The following RPL8 variants were observed in gnomAD, a reference collection of about 807,000 sequenced individuals.
RPL8 encodes the protein ribosomal protein L8, also known as large ribosomal subunit protein uL2.
For missense variants in RPL8, 248 were observed against 365.9 expected, an observed-to-expected ratio of 0.68 and a Z score of 2.63; for synonymous variants, 182 against 143.2, an observed-to-expected ratio of 1.27 and a Z score of -1.94.
chr8:144,791,640 G>T, intron 2 of RPL8, 133 bp downstream of exon 2: 1 of 1,503,128 alleles, frequency 6.7e-7, no homozygotes, highest in Non-Finnish European at 9.1e-7. Flanking sequence ...GGTGGCCACT[G>T]GTCTGGCCAC....
At position 144,791,761 on chromosome 8, in the gene RPL8, C is replaced by A; in HGVS notation, c.280+12G>T. Reference sequence around the variant, plus strand: ...CCCCACCCCGACCTTCCTTCCCCGCCGCGATGCTAACCCTTCTTGCCGCAA... The same window carrying A: ...CCCCACCCCGACCTTCCTTCCCCGCAGCGATGCTAACCCTTCTTGCCGCAA... On this transcript the variant is annotated intron_variant, in intron 2 of 4. Transcript: ENST00000528957. 1 of 1,613,350 alleles carries A rather than the reference C, an allele frequency of 6.2e-7. No individual in the cohort carries two copies. The highest frequency in any genetic ancestry group is 8.5e-7 in the Non-Finnish European group (1 of 1,179,990).
In RPL8 at chr8:144,792,351, G is replaced by A. The variant is rs991884924; in HGVS notation, c.-222C>T. 5.1e-5 allele frequency: 37 copies of A among 723,588 alleles called. No homozygotes were observed. Among genetic ancestry groups the A allele is most frequent in the South Asian group, 7.7e-5 (2 of 25,840 alleles). 44.8% of individuals were successfully genotyped at this position (723,588 alleles called of 1,614,324 possible). ...CGGATACTGCCCATGCCGCAAGGCC[G>A]CAAGGATGACCTACCTGTTCACCAG... is the stretch of plus-strand genomic sequence containing the variant. On this transcript the variant is annotated 5_prime_UTR_variant, in exon 1 of 5. Coordinates refer to ENST00000528957, the MANE Select transcript of RPL8 (RefSeq NM_001317782.2).
intron 3 of RPL8, 79 bp from the exon 4 acceptor site, chr8:144,790,549 C>T (rs1331621616): frequency 2.8e-6 from 3 of 1,059,430 alleles, no homozygotes; most frequent in Non-Finnish European, 4.4e-6. Context: ...TGTCATGCAC[C>T]TTCCCAATAC....
intron 1 of RPL8, 26 bp from the exon 2 acceptor site, chr8:144,791,940 G>A: frequency 6.2e-7 from 1 of 1,610,664 alleles, no homozygotes; most frequent in Non-Finnish European, 8.5e-7. Context: ...GCGTGAGTGC[G>A]GCGTTCCGGC....
At position 144,792,067 on chromosome 8, in the gene RPL8, C is replaced by T. The variant is rs761419862; in HGVS notation, c.63G>A (p.Lys21=). ...GAGSVFRAHV[K]HRKGAARLRA... The stretch of plus-strand genomic sequence containing the variant: ...GCAGGCGCGCAGCGCCTTTACGGTG[C>T]TTCACGTGCGCGCGGAACACAGACC... Residue 21 remains lysine (K), a synonymous_variant, in exon 1 of 5, where the codon AAG becomes AAA. Transcript: ENST00000528957. 3 of 1,606,764 alleles carry T rather than the reference C, an allele frequency of 1.9e-6. No homozygotes were observed. The highest frequency in any genetic ancestry group is 2.2e-5 in the South Asian group (2 of 90,770).
rs777685415 is a variant in RPL8, at chr8:144,792,138, G to A, written c.-9C>T. ...CGGATCACACGGCCCATGGCGACGG[G>A]TCCTGGGGGCGACTCACGATTAGCG... On this transcript the variant is annotated 5_prime_UTR_variant, in exon 1 of 5. Transcript: ENST00000528957. The A allele has an allele frequency of 2.0e-6, 3 of 1,495,112 alleles. No individual in the cohort carries two copies. The highest frequency in any genetic ancestry group is 2.7e-6 in the Non-Finnish European group (3 of 1,128,744). 92.6% of individuals were successfully genotyped at this position (1,495,112 alleles called of 1,614,324 possible). A position where few individuals can be genotyped will look rare whatever the true frequency, so the allele number is the denominator to read the frequency against.
At chr8:144,791,154 AC>A in intron 3 of RPL8, 122 bp downstream of exon 3, 2 of 940,770 alleles carry the variant, frequency 2.1e-6, no homozygotes, top group Non-Finnish European at 3.3e-6. Flanking sequence ...AACTTACAGA[AC>A]CCAAGTTTTA....
At chr8:144,790,845 G>A (rs11995164) in intron 3 of RPL8, 15,847 of 533,776 alleles carry the variant, frequency 0.03, 514 homozygotes, top group Admixed American at 0.085. Flanking sequence ...TCCCCTGTGC[G>A]AGGCTGAGTT....
At chr8:144,791,160 G>A (rs575009443) in intron 3 of RPL8, 117 bp downstream of exon 3, 6 of 1,037,556 alleles carry the variant, frequency 5.8e-6, no homozygotes, top group South Asian at 1.5e-5. Context: ...CAGAACCCAA[G>A]TTTTAGAACA....
In RPL8 at chr8:144,792,368, G is replaced by A. The variant is rs763648407; in HGVS notation, c.-239C>T. The A allele has an allele frequency of 1.1e-3, 725 of 660,384 alleles. No homozygotes were observed. The highest frequency in any genetic ancestry group is 1.5e-3 in the Non-Finnish European group (676 of 461,528). The allele number at this position is 660,384 out of a possible 1,614,324, so 40.9% of individuals were successfully genotyped here. On this transcript the variant is annotated 5_prime_UTR_variant, in exon 1 of 5. Transcript: ENST00000528957. ...GCAAGGCCGCAAGGATGACCTACCT[G>A]TTCACCAGCGCGGCCGAAAGAGGAA...
chr8:144,790,591 G>C, intron 3 of RPL8, 121 bp from the exon 4 acceptor site: 1 of 771,208 alleles, frequency 1.3e-6, no homozygotes, highest in Non-Finnish European at 2.3e-6. Context: ...AAGCCCACTC[G>C]CCTCCACCCT....
In RPL8 at chr8:144,792,323, C is replaced by T. The variant is rs2130382280; in HGVS notation, c.-194G>A. On this transcript the variant is annotated 5_prime_UTR_variant, in exon 1 of 5. Coordinates refer to ENST00000528957, the MANE Select transcript of RPL8 (RefSeq NM_001317782.2). ...CAGCGCGCCTCACGGAAGAGGATGGCGGCGGATACTGCCCATGCCGCAAGG... is the reference window on the plus strand; with the variant it reads ...CAGCGCGCCTCACGGAAGAGGATGGTGGCGGATACTGCCCATGCCGCAAGG... The T allele has an allele frequency of 1.2e-6, 1 of 857,078 alleles. No homozygotes were observed. 53.1% of individuals were successfully genotyped at this position (857,078 alleles called of 1,614,324 possible).
At position 144,792,369 on chromosome 8, in the gene RPL8, T is replaced by G; in HGVS notation, c.-240A>C. 4.6e-6 allele frequency: 3 copies of G among 649,942 alleles called. No homozygotes were observed. The highest frequency in any genetic ancestry group is 4.4e-6 in the Non-Finnish European group (2 of 454,492). The allele number at this position is 649,942 out of a possible 1,614,324, so 40.3% of individuals were successfully genotyped here. A position where few individuals can be genotyped will look rare whatever the true frequency, so the allele number is the denominator to read the frequency against. On this transcript the variant is annotated 5_prime_UTR_variant, in exon 1 of 5. Coordinates refer to ENST00000528957, the MANE Select transcript of RPL8 (RefSeq NM_001317782.2). Reference sequence around the variant, plus strand: ...CAAGGCCGCAAGGATGACCTACCTGTTCACCAGCGCGGCCGAAAGAGGAAA... The same window carrying G: ...CAAGGCCGCAAGGATGACCTACCTGGTCACCAGCGCGGCCGAAAGAGGAAA...
At chr8:144,791,564 A>T in intron 2 of RPL8, 69 bp from the exon 3 acceptor site, 2 of 1,546,676 alleles carry the variant, frequency 1.3e-6, no homozygotes, top group Non-Finnish European at 1.8e-6. Flanking sequence ...GCTCTAGGCA[A>T]CCCGCGAAGT....
chr8:144,791,251 G>A (rs374941208), intron 3 of RPL8, 26 bp downstream of exon 3: 17 of 1,605,732 alleles, frequency 1.1e-5, no homozygotes, highest in Admixed American at 6.7e-5. Flanking sequence ...ACAGCCCTCA[G>A]CATTCAACTG....
rs1826497842 is a variant in RPL8 at position 144,791,157 on chromosome 8, C to G, written c.499+120G>C. ...AGGATGAGCTCAAACTTACAGAACC[C>G]AAGTTTTAGAACAACAGGTAATCGA... On this transcript the variant is annotated intron_variant, in intron 3 of 4. Coordinates refer to ENST00000528957, the MANE Select transcript of RPL8 (RefSeq NM_001317782.2). 20 of 992,414 alleles carry G rather than the reference C, an allele frequency of 2.0e-5. No homozygotes were observed. The South Asian group carries it at 2.9e-4, about 14-fold the overall frequency. The allele number at this position is 992,414 out of a possible 1,614,324, so 61.5% of individuals were successfully genotyped here. A position where few individuals can be genotyped will look rare whatever the true frequency, so the allele number is the denominator to read the frequency against.
chr8:144,790,735 T>C (rs1444352771), intron 3 of RPL8: 6 of 659,464 alleles, frequency 9.1e-6, no homozygotes, highest in Admixed American at 4.1e-5. Context: ...CCCCTCACCA[T>C]GTGTGAGACG....
In RPL8 at chr8:144,792,147, G is replaced by C; in HGVS notation, c.-18C>G. 1 of 1,490,118 alleles carries C rather than the reference G, an allele frequency of 6.7e-7. No individual in the cohort carries two copies. The highest frequency in any genetic ancestry group is 8.9e-7 in the Non-Finnish European group (1 of 1,128,214). 92.3% of individuals were successfully genotyped at this position (1,490,118 alleles called of 1,614,324 possible). ...CGGCCCATGGCGACGGGTCCTGGGGGCGACTCACGATTAGCGCGGCCGGGC... is the reference window on the plus strand; with the variant it reads ...CGGCCCATGGCGACGGGTCCTGGGGCCGACTCACGATTAGCGCGGCCGGGC... On this transcript the variant is annotated 5_prime_UTR_variant, in exon 1 of 5. Transcript: ENST00000528957.
intron 3 of RPL8, 153 bp from the exon 4 acceptor site, chr8:144,790,623 G>A: frequency 1.4e-6 from 1 of 692,720 alleles, no homozygotes; most frequent in Non-Finnish European, 2.6e-6. Context: ...TGCACCCTGT[G>A]AGCTGACATC....
Sources: allele counts gnomAD v4.1 joint callset, GRCh38; gene constraint gnomAD v4.1.1; transcripts MANE v1.5; gene names NCBI Gene and HGNC (gene_info 2026-07-23, HGNC 2026-07-21).